Variants in TINCR observed in about 807,000 individuals in gnomAD.
TINCR encodes the protein TINCR-encoded ubiquitin-like protein.
At position 5,563,699 on chromosome 19, in the gene TINCR, G is replaced by A. The variant is rs1027283788; in HGVS notation, c.261-750C>T. 6.6e-6 allele frequency among the ~76,000 whole-genome samples: 1 copy of A among 152,172 alleles called. No homozygotes were observed. Among genetic ancestry groups the A allele is most frequent in the Non-Finnish European group, 1.5e-5 (1 of 68,040 alleles). On this transcript the variant is annotated intron_variant, in intron 1 of 1. Transcript: ENST00000646160. The surrounding 1 kb of genome is among the most constrained non-coding windows in gnomAD (Gnocchi z 4.7). ...GGAGGCTGAGGTAGGCAGATCACCTGAGGTTAGGAGTTTGAGACCAGCCTG... is the reference window on the plus strand; with the variant it reads ...GGAGGCTGAGGTAGGCAGATCACCTAAGGTTAGGAGTTTGAGACCAGCCTG...
At chr19:5,567,629 G>GCCCCCCCCCCCCCCCCCC in intron 1 of TINCR, 36 bp downstream of exon 1, 5 of 181,984 alleles carry the variant, frequency 2.7e-5, no homozygotes, top group Non-Finnish European at 4.4e-5. Context: ...CCCGGCCGCC[G>GCCCCCCCCCCCCCCCCCC]CCCCCGCCCC....
downstream of TINCR, chr19:5,562,143 C>G (rs2052105003): frequency 6.5e-6 from 1 of 152,682 alleles, no homozygotes; most frequent in African/African-American, 2.4e-5. This position sits in a 1 kb window ranked among gnomAD's most constrained non-coding sequence, Gnocchi z 4.4. Flanking sequence ...GCCCTCTACC[C>G]CAGCCTATTC....
At chr19:5,566,502 A>G (rs892063659) in intron 1 of TINCR, among the ~76,000 whole-genome samples, 1 of 151,510 alleles carries the variant, frequency 6.6e-6, no homozygotes, top group Admixed American at 6.6e-5. Context: ...AGAGACAGAG[A>G]CAAAAGAGAC....
chr19:5,560,891 C>T (rs960065051), downstream of TINCR: 5 of 153,630 alleles, frequency 3.3e-5, no homozygotes, highest in African/African-American at 1.2e-4. This position sits in a 1 kb window ranked among gnomAD's most constrained non-coding sequence, Gnocchi z 4.5. Flanking sequence ...CTGTTCACTG[C>T]ACAAAGGGCC....
At chr19:5,567,094 AAGAG>A (rs137971419) in intron 1 of TINCR, among the ~76,000 whole-genome samples, 3,188 of 152,082 alleles carry the variant, frequency 0.021, 100 homozygotes, top group African/African-American at 0.072. Context: ...ACAAAGACAA[AAGAG>A]AGAGAGGTGA....
Position 5,563,964 on chromosome 19 carries a change from C to T in TINCR, c.261-1015G>A, listed in dbSNP as rs1372106416. On this transcript the variant is annotated intron_variant, in intron 1 of 1. Coordinates refer to ENST00000646160, the Ensembl canonical transcript of TINCR. The surrounding 1 kb of genome is among the most constrained non-coding windows in gnomAD (Gnocchi z 4.7). Reference sequence around the variant, plus strand: ...TAAAAGCATCCTCGCCAGGGGACAGCGGTAAGGCCACGTGAAAAGCCCCTA... The same window carrying T: ...TAAAAGCATCCTCGCCAGGGGACAGTGGTAAGGCCACGTGAAAAGCCCCTA... 1.3e-5 allele frequency among the ~76,000 whole-genome samples: 2 copies of T among 152,224 alleles called. No individual in the cohort carries two copies. Among genetic ancestry groups the T allele is most frequent in the East Asian group, 1.9e-4 (1 of 5,174 alleles).
At chr19:5,561,144 G>A (rs2052100147), downstream of TINCR, 1 of 153,902 alleles carries the variant, frequency 6.5e-6, no homozygotes, top group Admixed American at 6.5e-5. Flanking sequence ...GATGCCCTCT[G>A]GCTGCCCATG....
intron 1 of TINCR, among the ~76,000 whole-genome samples, chr19:5,566,735 A>T (rs921681163): frequency 3.9e-5 from 6 of 151,944 alleles, no homozygotes; most frequent in African/African-American, 1.5e-4. Context: ...ACACAGAGAG[A>T]CACAAGGAGA....
At chr19:5,558,251 C>T (rs1053569798), downstream of TINCR, 1 of 152,200 alleles carries the variant, frequency 6.6e-6, no homozygotes, top group Admixed American at 6.6e-5. Context: ...GATCCTGCGG[C>T]CCCAAAGGTA....
At chr19:5,567,922 C>T (rs1320158647) in exon 1 of TINCR, 1 of 384,434 alleles carries the variant, frequency 2.6e-6, no homozygotes, top group East Asian at 3.7e-5. Context: ...GCAGCCCCTC[C>T]ATGGCGCCCG....
intron 1 of TINCR, among the ~76,000 whole-genome samples, chr19:5,564,071 G>T (rs912150126): frequency 2.0e-5 from 3 of 152,158 alleles, no homozygotes; most frequent in African/African-American, 7.2e-5. Flanking sequence ...CAACGCTGCT[G>T]CCTCGAGGCA....
rs978797056 is a variant in TINCR at position 5,563,846 on chromosome 19, C to G, written c.261-897G>C. 2.0e-5 allele frequency among the ~76,000 whole-genome samples: 3 copies of G among 152,110 alleles called. No individual in the cohort carries two copies. Among genetic ancestry groups the G allele is most frequent in the African/African-American group, 4.8e-5 (2 of 41,426 alleles). On this transcript the variant is annotated intron_variant, in intron 1 of 1. Transcript: ENST00000646160. The surrounding 1 kb of genome is among the most constrained non-coding windows in gnomAD (Gnocchi z 4.7). ...AGGAGAATCGCTTGAACCCGGGAGG[C>G]AGAGGTTGCAGTGAGCCGAGATTGC...
chr19:5,567,747 C>T (rs2052139273), exon 1 of TINCR: 1 of 392,762 alleles, frequency 2.5e-6, no homozygotes. Flanking sequence ...AGCCGCCGCG[C>T]GTTGTAGTAG....
At chr19:5,566,333 G>C (rs2145290579) in intron 1 of TINCR, among the ~76,000 whole-genome samples, 1 of 151,944 alleles carries the variant, frequency 6.6e-6, no homozygotes, top group East Asian at 1.9e-4. Flanking sequence ...GGAAGAGACA[G>C]AAATGGACAG....
At chr19:5,560,721 G>T (rs1307886715), downstream of TINCR, 1 of 152,408 alleles carries the variant, frequency 6.6e-6, no homozygotes, top group African/African-American at 2.4e-5. This position sits in a 1 kb window ranked among gnomAD's most constrained non-coding sequence, Gnocchi z 4.5. Context: ...TAAGGGGAAG[G>T]GGGAAACAGC....
In TINCR at chr19:5,565,566, C is replaced by T. The variant is rs1409794001; in HGVS notation, c.260+2099G>A. Among the ~76,000 whole-genome samples, 1 of 152,086 alleles carries T rather than the reference C, an allele frequency of 6.6e-6. No homozygotes were observed. The highest frequency in any genetic ancestry group is 1.5e-5 in the Non-Finnish European group (1 of 68,016). On this transcript the variant is annotated intron_variant, in intron 1 of 1. Coordinates refer to ENST00000646160, the Ensembl canonical transcript of TINCR. The surrounding 1 kb of genome is among the most constrained non-coding windows in gnomAD (Gnocchi z 4.0). ...TCTGGACGTCTGAGGGTCGTCCAGC[C>T]CCCAGACCTCATAGAAGGTACGCTG... is the stretch of plus-strand genomic sequence containing the variant.
At chr19:5,559,806 G>A (rs2052091461), downstream of TINCR, 2 of 152,186 alleles carry the variant, frequency 1.3e-5, 1 homozygote, top group Non-Finnish European at 2.9e-5. Context: ...GGGGACCCAG[G>A]CTCTAGATAC....
At chr19:5,566,033 G>T in intron 1 of TINCR, among the ~76,000 whole-genome samples, 1 of 152,128 alleles carries the variant, frequency 6.6e-6, no homozygotes, top group East Asian at 1.9e-4. Flanking sequence ...GCCAGAAGAC[G>T]CCCCACTTGA....
At chr19:5,566,563 G>A (rs1479662688) in intron 1 of TINCR, among the ~76,000 whole-genome samples, 2 of 150,546 alleles carry the variant, frequency 1.3e-5, no homozygotes, top group Non-Finnish European at 3.0e-5. Context: ...AGACAGAACT[G>A]GACAGGGACA....
Sources: gnomAD v4.1 joint callset for allele counts (sites outside exome capture counted in the v4.1 genomes callset) on GRCh38, gnomAD v4.1.1 for gene constraint, Gnocchi (gnomAD v3.1) non-coding constraint, MANE v1.5 for transcripts, NCBI Gene and HGNC (gene_info 2026-07-23, HGNC 2026-07-21) for gene names.